DCHS2: variants seen among roughly 807,000 people sequenced by gnomAD.
The protein encoded by DCHS2 is protocadherin-23.
DCHS2 carries 142 observed loss-of-function variants against 182.4 expected under a neutral mutation model. The observed-to-expected ratio is 0.78, with a 90% CI of 0.68 to 0.89. The LOEUF is 0.89. DCHS2 is among the 40% of genes least tolerant of loss of function. The pLI, the probability that DCHS2 is intolerant of heterozygous loss-of-function variation, is 0.00. For synonymous variants in DCHS2, 1,740 were observed against 1,663.3 expected, an observed-to-expected ratio of 1.05 and a Z score of -1.12; for missense variants, 4,319 against 4,198.6, an observed-to-expected ratio of 1.03 and a Z score of -0.79.
intron 13 of DCHS2, among the ~76,000 whole-genome samples, chr4:154,277,507 A>G (rs907688997): frequency 6.6e-6 from 1 of 152,118 alleles, no homozygotes; most frequent in African/African-American, 2.4e-5. Flanking sequence ...ATTCATCCCC[A>G]GAAAACCTTT....
intron 18 of DCHS2, 50 bp from the exon 19 acceptor site, chr4:154,239,352 AT>A: frequency 6.2e-7 from 1 of 1,604,988 alleles, no homozygotes; most frequent in Non-Finnish European, 8.5e-7. Flanking sequence ...GGCTGAAGGT[AT>A]TTTCACCAAC....
At chr4:154,381,930 A>T (rs949362176) in intron 1 of DCHS2, among the ~76,000 whole-genome samples, 4 of 152,188 alleles carry the variant, frequency 2.6e-5, no homozygotes, top group Non-Finnish European at 5.9e-5. Context: ...ATTATAAAAA[A>T]CCATTCTAAA....
At chr4:154,390,120 C>A (rs1025889040) in intron 1 of DCHS2, among the ~76,000 whole-genome samples, 37 of 143,616 alleles carry the variant, frequency 2.6e-4, no homozygotes, top group African/African-American at 8.5e-4. Context: ...TATTTTTTTT[C>A]TTTTATTATT....
At chr4:154,394,418 C>T (rs950365876) in intron 1 of DCHS2, among the ~76,000 whole-genome samples, 1 of 152,144 alleles carries the variant, frequency 6.6e-6, no homozygotes, top group Admixed American at 6.6e-5. Context: ...TGGACAGTAA[C>T]TTAACTTCTC....
At chr4:154,488,825 TTGAGCCAC>T (rs1479001012) in intron 1 of DCHS2, among the ~76,000 whole-genome samples, 2 of 151,738 alleles carry the variant, frequency 1.3e-5, no homozygotes, top group African/African-American at 4.8e-5. Flanking sequence ...TGAGCCGAGA[TTGAGCCAC>T]TGCACTCCAG....
Position 154,333,141 on chromosome 4 carries a change from G to C in DCHS2, c.3067C>G (p.Pro1023Ala), listed in dbSNP as rs1292189828. ...LIRYSIASPQPGVFAIDRALG... is the reference protein window; with the variant it reads ...LIRYSIASPQAGVFAIDRALG... ...GCTCTGTCGATGGCAAAGACGCCTG[G>C]CTGCGGGCTGGCGATGGAGTACCGG... Residue 1023 changes from proline to alanine, a missense_variant, in exon 5 of 20, where the codon CCA (proline) becomes GCA (alanine). By Grantham distance (27) the Pro-to-Ala change is conservative (BLOSUM62 -1). Transcript: ENST00000357232. 8.1e-6 allele frequency: 13 copies of C among 1,614,170 alleles called. No individual in the cohort carries two copies. The highest frequency in any genetic ancestry group is 1.1e-5 in the Non-Finnish European group (13 of 1,180,032).
At chr4:154,319,656 TA>T (rs59154846) in intron 9 of DCHS2, among the ~76,000 whole-genome samples, 3,526 of 116,716 alleles carry the variant, frequency 0.03, 125 homozygotes, top group African/African-American at 0.11. Flanking sequence ...TGGCTGTTAC[TA>T]AAAAAAAAAA....
intron 13 of DCHS2, among the ~76,000 whole-genome samples, chr4:154,274,964 C>A (rs1372497202): frequency 3.3e-5 from 5 of 152,002 alleles, no homozygotes; most frequent in African/African-American, 1.2e-4. Flanking sequence ...CCCTCATACA[C>A]AAGCCCCAGA....
chr4:154,278,649 C>T (rs1733981588), intron 13 of DCHS2, among the ~76,000 whole-genome samples: 2 of 151,288 alleles, frequency 1.3e-5, no homozygotes, highest in South Asian at 4.2e-4. Context: ...AAAAGTGACT[C>T]ATCCTGAACA....
intron 1 of DCHS2, among the ~76,000 whole-genome samples, chr4:154,408,981 C>A (rs1430917715): frequency 6.6e-6 from 1 of 152,086 alleles, no homozygotes; most frequent in Non-Finnish European, 1.5e-5. Flanking sequence ...AGCAGTCACA[C>A]AAAATGGGCC....
rs1488010712 is a variant in DCHS2, at chr4:154,236,324, A to C, written c.8328T>G (p.Cys2776Trp). The C allele has an allele frequency of 1.2e-6, 2 of 1,614,084 alleles. No homozygotes were observed. The highest frequency in any genetic ancestry group is 1.7e-6 in the Non-Finnish European group (2 of 1,179,962). Reference sequence around the variant, plus strand: ...AAATAGGCAGATTTTCTGGAACAATACAGCTGAAGCTTGAGAACATAAACT... The same window carrying C: ...AAATAGGCAGATTTTCTGGAACAATCCAGCTGAAGCTTGAGAACATAAACT... The part of the protein sequence containing the change: ...APQFMFSSFS[C>W]IVPENLPISS... Residue 2776 changes from cysteine to tryptophan, a missense_variant, in exon 20 of 20, where the codon TGT becomes TGG. Transcript: ENST00000357232.
intron 3 of DCHS2, among the ~76,000 whole-genome samples, chr4:154,341,415 C>T (rs934871723): frequency 6.6e-6 from 1 of 151,592 alleles, no homozygotes; most frequent in South Asian, 2.1e-4. Flanking sequence ...TTCAAAACAC[C>T]GCTCTATAAG....
intron 14 of DCHS2, among the ~76,000 whole-genome samples, chr4:154,264,208 GC>G (rs1329464292): frequency 6.6e-6 from 1 of 152,128 alleles, no homozygotes; most frequent in Non-Finnish European, 1.5e-5. Flanking sequence ...ATAATGAGTA[GC>G]TCATAGTCTA....
At chr4:154,452,588 C>A (rs764582495) in intron 1 of DCHS2, among the ~76,000 whole-genome samples, 2 of 152,028 alleles carry the variant, frequency 1.3e-5, no homozygotes, top group Non-Finnish European at 2.9e-5. Context: ...TGTGCTGCTG[C>A]ACTCCAGCCT....
intron 3 of DCHS2, among the ~76,000 whole-genome samples, chr4:154,347,019 A>G (rs1729392443): frequency 6.6e-6 from 1 of 151,734 alleles, no homozygotes; most frequent in Admixed American, 6.6e-5. Flanking sequence ...ACTTTAATCA[A>G]TGTGATATAT....
chr4:154,390,979 C>T (rs984218313), intron 1 of DCHS2, among the ~76,000 whole-genome samples: 5 of 152,146 alleles, frequency 3.3e-5, no homozygotes, highest in Admixed American at 2.0e-4. Context: ...TTGATAACGT[C>T]TAATACCATA....
At chr4:154,387,625 A>C (rs1466199895) in intron 1 of DCHS2, among the ~76,000 whole-genome samples, 1 of 152,148 alleles carries the variant, frequency 6.6e-6, no homozygotes, top group Non-Finnish European at 1.5e-5. Flanking sequence ...TTACATTGAA[A>C]AGAAATTTCA....
In DCHS2 at chr4:154,232,025, A is replaced by G. The variant is rs1370352153; in HGVS notation, c.*2511T>C. On this transcript the variant is annotated 3_prime_UTR_variant, in exon 20 of 20. Transcript: ENST00000357232. ...CAACAAGAAAGTCCAGAATTTCATC[A>G]GGCAGCCAAAATTCCACAAGAGACA... is the stretch of plus-strand genomic sequence containing the variant. 3 of 152,056 alleles carry G rather than the reference A, an allele frequency of 2.0e-5. No homozygotes were observed. Among genetic ancestry groups the G allele is most frequent in the Non-Finnish European group, 2.9e-5 (2 of 68,016 alleles). 9.4% of individuals were successfully genotyped at this position (152,056 alleles called of 1,614,324 possible).
chr4:154,405,899 A>G (rs1424849184), intron 1 of DCHS2, among the ~76,000 whole-genome samples: 1 of 152,176 alleles, frequency 6.6e-6, no homozygotes, highest in Admixed American at 6.5e-5. Flanking sequence ...GATACATTGT[A>G]AATAGCCTGA....
Sources: allele counts gnomAD v4.1 joint callset (sites outside exome capture counted in the v4.1 genomes callset), GRCh38; gene constraint gnomAD v4.1.1; transcripts MANE v1.5; gene names NCBI Gene and HGNC (gene_info 2026-07-23, HGNC 2026-07-21).